CYP4F3: variants seen among roughly 807,000 people sequenced by gnomAD.
The protein encoded by CYP4F3 is cytochrome P450 family 4 subfamily F member 3.
CYP4F3 carries 50 observed loss-of-function variants against 54.8 expected under a neutral mutation model. The ratio of observed to expected loss-of-function variants is 0.91; its 90% confidence interval spans 0.73 to 1.16. CYP4F3 has a LOEUF of 1.16. Ranked by LOEUF, CYP4F3 falls within the 50% of genes most tolerant of loss-of-function variation. The pLI is 0.00. For missense variants in CYP4F3, 715 were observed against 676.2 expected, an observed-to-expected ratio of 1.06 and a Z score of -0.64; for synonymous variants, 244 against 262.6, an observed-to-expected ratio of 0.93 and a Z score of 0.69.
At position 15,658,104 on chromosome 19, in the gene CYP4F3, C is replaced by T. The variant is rs1973076193; in HGVS notation, c.1116-160C>T. 6 of 977,912 alleles carry T rather than the reference C, an allele frequency of 6.1e-6. No homozygotes were observed. The South Asian group carries it at 2.4e-4, about 39-fold the overall frequency. The allele number at this position is 977,912 out of a possible 1,614,324, so 60.6% of individuals were successfully genotyped here. On this transcript the variant is annotated intron_variant, in intron 9 of 12. Coordinates refer to ENST00000221307, the MANE Select transcript of CYP4F3 (RefSeq NM_000896.3). ...CCATGGGTCTATTTTCTTGTTTCTG[C>T]AACAGTGTCACACTGTTTTTATTCC...
chr19:15,650,718 T>C (rs796575145), intron 7 of CYP4F3, among the ~76,000 whole-genome samples: 1 of 33,350 alleles, frequency 3.0e-5, no homozygotes, highest in African/African-American at 1.5e-4. Context: ...CTTTCTTTCT[T>C]TCTTTCTTTC....
rs888437755 is a variant in CYP4F3, at chr19:15,650,186, G to A, written c.918+3G>A. 1 of 1,614,054 alleles carries A rather than the reference G, an allele frequency of 6.2e-7. No homozygotes were observed. The highest frequency in any genetic ancestry group is 1.3e-5 in the African/African-American group (1 of 74,900). On this transcript the variant is annotated splice_donor_region_variant and intron_variant, in intron 7 of 12. Coordinates refer to ENST00000221307, the MANE Select transcript of CYP4F3 (RefSeq NM_000896.3). ...TTGATGTACTCCTGCTGAGCAAGGT[G>A]GGCCTCTCTGGGATCTGAATTCAAG...
chr19:15,653,189 G>A (rs1972911387), intron 9 of CYP4F3, among the ~76,000 whole-genome samples: 1 of 152,162 alleles, frequency 6.6e-6, no homozygotes, highest in South Asian at 2.1e-4. Flanking sequence ...TGTGAGGACA[G>A]ATAACGCCAC....
rs777021261 is a variant in CYP4F3 at position 15,652,903 on chromosome 19, C to A, written c.1066C>A (p.Gln356Lys). 6.2e-7 allele frequency: 1 copy of A among 1,613,696 alleles called. No homozygotes were observed. ...CCCGGAATACCAGGAGCGCTGTCGG[C>A]AGGAGGTGCAAGAGCTTCTGAAGGA... ...KHPEYQERCR[Q>K]EVQELLKDRE... is the part of the protein sequence containing the mutation. Residue 356 changes from glutamine (Q) to lysine (K), a missense_variant, in exon 9 of 13, where the codon CAG (glutamine) becomes AAG (lysine). Transcript: ENST00000221307.
At chr19:15,648,646 G>A (rs1023580030) in intron 5 of CYP4F3, among the ~76,000 whole-genome samples, 4 of 152,102 alleles carry the variant, frequency 2.6e-5, no homozygotes, top group Admixed American at 1.3e-4. Flanking sequence ...AAAATGCCAT[G>A]TGCCCATTCC....
At chr19:15,657,568 C>A (rs2144674939) in intron 9 of CYP4F3, among the ~76,000 whole-genome samples, 1 of 152,300 alleles carries the variant, frequency 6.6e-6, no homozygotes, top group East Asian at 1.9e-4. Flanking sequence ...GGATTACAGG[C>A]ATGAGCCACC....
chr19:15,645,418 G>A (rs1972594097), intron 2 of CYP4F3, among the ~76,000 whole-genome samples: 2 of 152,198 alleles, frequency 1.3e-5, no homozygotes, highest in South Asian at 4.1e-4. Context: ...TGGGACTATG[G>A]GCAAATTACT....
Position 15,645,868 on chromosome 19 carries a change from A to G in CYP4F3, c.343+5A>G. 2 of 1,600,736 alleles carry G rather than the reference A, an allele frequency of 1.2e-6. No homozygotes were observed. Among genetic ancestry groups the G allele is most frequent in the Non-Finnish European group, 1.7e-6 (2 of 1,172,374 alleles). ...AGCCTGTGCTCTTTGCTCCAGGTAGACACTGCACTGGCCACTCCAGGTAGA... is the reference window on the plus strand; with the variant it reads ...AGCCTGTGCTCTTTGCTCCAGGTAGGCACTGCACTGGCCACTCCAGGTAGA... On this transcript the variant is annotated splice_donor_5th_base_variant and intron_variant, in intron 3 of 12. Coordinates refer to ENST00000221307, the MANE Select transcript of CYP4F3 (RefSeq NM_000896.3).
Position 15,649,953 on chromosome 19 carries a change from G to T in CYP4F3, c.688G>T (p.Ala230Ser), listed in dbSNP as rs527733036. ...EYIAAILELS[A>S]LVTKRHQQIL... is the part of the protein sequence containing the mutation. ...TATTGCCGCCATCTTGGAGCTCAGT[G>T]CCCTTGTGACAAAAAGACACCAGCA... Residue 230 changes from alanine (A) to serine (S), a missense_variant, in exon 7 of 13, where the codon GCC becomes TCC. Coordinates refer to ENST00000221307, the MANE Select transcript of CYP4F3 (RefSeq NM_000896.3). 1 of 1,614,110 alleles carries T rather than the reference G, an allele frequency of 6.2e-7. No individual in the cohort carries two copies. The highest frequency in any genetic ancestry group is 8.5e-7 in the Non-Finnish European group (1 of 1,180,004).
At position 15,652,426 on chromosome 19, in the gene CYP4F3, AG is replaced by A; in HGVS notation, c.919-140del. ...GGGGCTCTGGCCATGGTGACCAAGA[AG>A]GGTCTAGGAGAGCAAGATGGGCTTG... is the stretch of plus-strand genomic sequence containing the variant. On this transcript the variant is annotated intron_variant, in intron 7 of 12. Transcript: ENST00000221307. 7 of 1,219,072 alleles carry A rather than the reference AG, an allele frequency of 5.7e-6. No homozygotes were observed. In the South Asian group the frequency reaches 9.7e-5, roughly 17 times the overall value. The allele number at this position is 1,219,072 out of a possible 1,614,324, so 75.5% of individuals were successfully genotyped here.
Position 15,641,415 on chromosome 19 carries a change from G to A in CYP4F3, c.-1G>A, listed in dbSNP as rs750245246. ...ACTCACCACCCCATCTGCCCTGCAG[G>A]ATGCCACAGCTGAGCCTGTCCTCGC... is the stretch of plus-strand genomic sequence containing the variant. On this transcript the variant is annotated splice_region_variant and 5_prime_UTR_variant, in exon 2 of 13. Transcript: ENST00000221307. 3.7e-6 allele frequency: 6 copies of A among 1,613,942 alleles called. No homozygotes were observed. The African/African-American group carries it at 5.3e-5, about 14-fold the overall frequency.
chr19:15,653,089 A>C (rs1250784215), intron 9 of CYP4F3, 137 bp downstream of exon 9: 1 of 1,324,388 alleles, frequency 7.6e-7, no homozygotes, highest in African/African-American at 1.5e-5. Context: ...GACCACAGGC[A>C]GGACTTAGTA....
intron 9 of CYP4F3, among the ~76,000 whole-genome samples, chr19:15,654,841 A>AT (rs1342241259): frequency 6.6e-6 from 1 of 152,124 alleles, no homozygotes; most frequent in Non-Finnish European, 1.5e-5. Flanking sequence ...TCTCTTCCAT[A>AT]TATTTATTTT....
Position 15,649,583 on chromosome 19 carries a change from AG to A in CYP4F3, c.647+304del, listed in dbSNP as rs546076008. Among the ~76,000 whole-genome samples the A allele has an allele frequency of 2.2e-4, 33 of 152,256 alleles. No individual in the cohort carries two copies. In the East Asian group the frequency reaches 5.8e-3, roughly 27 times the overall value. On this transcript the variant is annotated intron_variant, in intron 6 of 12. Coordinates refer to ENST00000221307, the MANE Select transcript of CYP4F3 (RefSeq NM_000896.3). ...AGCTGGACCATGGACCAGTTGGAAG[AG>A]GATAAAGTCTGAGCTTTGTGGACAG...
chr19:15,652,451 T>G, intron 7 of CYP4F3, 118 bp from the exon 8 acceptor site: 1 of 1,472,008 alleles, frequency 6.8e-7, no homozygotes, highest in Non-Finnish European at 9.3e-7. Flanking sequence ...AAGATGGGCT[T>G]GGGTTTCTCG....
At position 15,659,216 on chromosome 19, in the gene CYP4F3, C is replaced by G. The variant is rs139192845; in HGVS notation, c.1398-4C>G. ...CAGTCAGAGTTTCCACCTCCCTCCC[C>G]AAGGAACTGCATCGGGCAGGCGTTC... is the stretch of plus-strand genomic sequence containing the variant. On this transcript the variant is annotated splice_region_variant and splice_polypyrimidine_tract_variant and intron_variant, in intron 12 of 12. Transcript: ENST00000221307. 9,704 of 1,577,268 alleles carry G rather than the reference C, an allele frequency of 6.2e-3. 605 individuals carry two copies. In the African/African-American group the frequency reaches 0.12, roughly 19 times the overall value.
chr19:15,653,704 A>G (rs2733752), intron 9 of CYP4F3, among the ~76,000 whole-genome samples: 98,648 of 147,026 alleles, frequency 0.67, 33,553 homozygotes, highest in East Asian at 0.82. Flanking sequence ...CAAGAAGACC[A>G]CCTGGGGTCT....
At chr19:15,654,367 C>T (rs1361611646) in intron 9 of CYP4F3, among the ~76,000 whole-genome samples, 1 of 152,116 alleles carries the variant, frequency 6.6e-6, no homozygotes, top group Non-Finnish European at 1.5e-5. Context: ...AAATATTTGT[C>T]TTTTCTTTAT....
chr19:15,659,665 A>T lies in CYP4F3; in HGVS notation c.*280A>T, dbSNP rs556213214. ...CCATCCATACAATGGAGTATTACAC[A>T]GCCATAAAAAGGAATGAAGCAGTGA... is the stretch of plus-strand genomic sequence containing the variant. On this transcript the variant is annotated 3_prime_UTR_variant, in exon 13 of 13. Coordinates refer to ENST00000221307, the MANE Select transcript of CYP4F3 (RefSeq NM_000896.3). 2.1e-5 allele frequency: 10 copies of T among 472,886 alleles called. No homozygotes were observed. The East Asian group carries it at 3.4e-4, about 16-fold the overall frequency. The allele number at this position is 472,886 out of a possible 1,614,324, so 29.3% of individuals were successfully genotyped here. A position where few individuals can be genotyped will look rare whatever the true frequency, so the allele number is the denominator to read the frequency against.
Sources: gnomAD v4.1 joint callset for allele counts (sites outside exome capture counted in the v4.1 genomes callset) on GRCh38, gnomAD v4.1.1 for gene constraint, MANE v1.5 for transcripts, NCBI Gene and HGNC (gene_info 2026-07-23, HGNC 2026-07-21) for gene names.